PCSK5: variants seen among roughly 807,000 people sequenced by gnomAD.
The protein encoded by PCSK5 is proprotein convertase subtilisin/kexin type 5, also known as prohormone convertase 5.
Under a neutral mutation model 233.2 loss-of-function variants are expected in PCSK5, and 129 were observed. That is an observed-to-expected ratio of 0.55 (90% CI 0.48 to 0.64). The LOEUF (loss-of-function observed/expected upper bound fraction) is 0.64, where lower values mean the gene tolerates loss of function less well. Ranked by LOEUF, PCSK5 falls within the 30% of genes least tolerant of loss-of-function variation. The pLI is 0.00. For synonymous variants in PCSK5, 825 were observed against 879.2 expected, an observed-to-expected ratio of 0.94 and a Z score of 1.09; for missense variants, 2,076 against 2,430.1, an observed-to-expected ratio of 0.85 and a Z score of 3.06.
At chr9:75,924,606 C>T (rs966533419) in intron 1 of PCSK5, among the ~76,000 whole-genome samples, 5 of 152,044 alleles carry the variant, frequency 3.3e-5, no homozygotes, top group Admixed American at 6.6e-5. Context: ...TGCCCCCGCC[C>T]CCCACTCCCA....
At chr9:76,033,430 A>T (rs969409172) in intron 5 of PCSK5, among the ~76,000 whole-genome samples, 1 of 152,164 alleles carries the variant, frequency 6.6e-6, no homozygotes, top group African/African-American at 2.4e-5. Flanking sequence ...ATATTTTCAA[A>T]TTTTTTTCTC....
chr9:76,087,802 C>A (rs7028169), intron 7 of PCSK5, among the ~76,000 whole-genome samples: 31 of 152,004 alleles, frequency 2.0e-4, no homozygotes, highest in Non-Finnish European at 2.9e-4. Flanking sequence ...AATCATAATA[C>A]GGACTACCTG....
intron 3 of PCSK5, among the ~76,000 whole-genome samples, chr9:75,988,338 G>A (rs998649309): frequency 3.3e-5 from 5 of 151,134 alleles, no homozygotes. Flanking sequence ...CTGGAGTACA[G>A]TGATGTGGTC....
intron 10 of PCSK5, among the ~76,000 whole-genome samples, chr9:76,152,014 G>A (rs779938091): frequency 1.5e-4 from 23 of 152,220 alleles, no homozygotes; most frequent in Non-Finnish European, 2.9e-4. Flanking sequence ...TGATGCTTTC[G>A]AATAATCAAA....
At chr9:76,035,730 T>C (rs1828833374) in intron 5 of PCSK5, among the ~76,000 whole-genome samples, 1 of 152,194 alleles carries the variant, frequency 6.6e-6, no homozygotes, top group Non-Finnish European at 1.5e-5. Context: ...TCAAGACAGG[T>C]GTATTTAATT....
chr9:75,996,654 G>A (rs995871011), intron 3 of PCSK5, among the ~76,000 whole-genome samples: 3 of 152,164 alleles, frequency 2.0e-5, no homozygotes, highest in African/African-American at 4.8e-5. Flanking sequence ...ATTTCTGCCA[G>A]TGCAAATTAT....
chr9:76,274,140 T>C (rs1175529449), intron 24 of PCSK5, among the ~76,000 whole-genome samples: 1 of 152,034 alleles, frequency 6.6e-6, no homozygotes, highest in Admixed American at 6.6e-5. Flanking sequence ...ATTGCCTCTA[T>C]GGGTTGAAGC....
At chr9:75,939,895 G>A (rs1404579391) in intron 2 of PCSK5, among the ~76,000 whole-genome samples, 1 of 152,132 alleles carries the variant, frequency 6.6e-6, no homozygotes, top group African/African-American at 2.4e-5. Flanking sequence ...GTAAGCAATG[G>A]GCATCTCCCA....
At chr9:76,262,563 T>A in intron 24 of PCSK5, among the ~76,000 whole-genome samples, 1 of 149,412 alleles carries the variant, frequency 6.7e-6, no homozygotes, top group East Asian at 1.9e-4. Context: ...CTGGGAAAAC[T>A]GGCTAGCCAT....
chr9:76,324,513 G>A (rs1829303187), intron 32 of PCSK5, among the ~76,000 whole-genome samples: 1 of 152,074 alleles, frequency 6.6e-6, no homozygotes, highest in African/African-American at 2.4e-5. Context: ...TTACAGGTGT[G>A]AGCCACCGCG....
At chr9:75,900,678 CA>C (rs34003117) in intron 1 of PCSK5, among the ~76,000 whole-genome samples, 52,584 of 104,444 alleles carry the variant, frequency 0.5, 10,746 homozygotes, top group Middle Eastern at 0.55. Context: ...GACTCTGTCT[CA>C]AAAAAAAAAA....
In PCSK5 at chr9:76,107,324, G is replaced by C. The variant is rs781367960; in HGVS notation, c.1181G>C (p.Gly394Ala). Residue 394 changes from glycine to alanine, a missense_variant, in exon 9 of 38, where the codon GGC becomes GCC. Transcript: ENST00000674117. ...TCAGCCTCAGCCCCCATGGCTGCAG[G>C]CATCATTGCGCTGGCCCTGGAAGCC... ...GTSASAPMAA[G>A]IIALALEANP... The C allele has an allele frequency of 1.2e-6, 2 of 1,613,408 alleles. No individual in the cohort carries two copies. The highest frequency in any genetic ancestry group is 1.7e-6 in the Non-Finnish European group (2 of 1,179,560).
chr9:75,945,221 C>T (rs1032227602), intron 2 of PCSK5, among the ~76,000 whole-genome samples: 30 of 151,394 alleles, frequency 2.0e-4, no homozygotes, highest in African/African-American at 7.0e-4. Flanking sequence ...ATAAAAATAA[C>T]ATACGTGGAA....
intron 2 of PCSK5, among the ~76,000 whole-genome samples, chr9:75,967,761 C>T (rs1301108669): frequency 1.7e-5 from 1 of 58,098 alleles, no homozygotes; most frequent in Non-Finnish European, 3.4e-5. Context: ...AGGGCAGTGC[C>T]CAGCCTTTTT....
intron 20 of PCSK5, among the ~76,000 whole-genome samples, chr9:76,215,804 G>T (rs1176447936): frequency 6.6e-6 from 1 of 152,076 alleles, no homozygotes; most frequent in African/African-American, 2.4e-5. Flanking sequence ...GCTGAGTGTG[G>T]TAGCACACAC....
intron 1 of PCSK5, among the ~76,000 whole-genome samples, chr9:75,906,104 A>T (rs554783047): frequency 6.6e-6 from 1 of 152,284 alleles, no homozygotes; most frequent in South Asian, 2.1e-4. Context: ...CATGAGTAAA[A>T]TTATTTCAAA....
chr9:76,195,971 A>C (rs10869730), intron 20 of PCSK5: 50,042 of 152,016 alleles, frequency 0.33, 8,516 homozygotes, highest in East Asian at 0.59. Context: ...ATAGAAGCTG[A>C]ATATGAAGGA....
intron 2 of PCSK5, among the ~76,000 whole-genome samples, chr9:75,951,351 T>G (rs1824847618): frequency 1.3e-5 from 2 of 152,200 alleles, no homozygotes; most frequent in Non-Finnish European, 2.9e-5. Flanking sequence ...CACTGTGAGT[T>G]AATACAGGGG....
chr9:75,892,565 CA>C (rs1456457121), intron 1 of PCSK5, among the ~76,000 whole-genome samples: 1 of 152,170 alleles, frequency 6.6e-6, no homozygotes, highest in Non-Finnish European at 1.5e-5. Context: ...CGTGCTCTGC[CA>C]GGGGGAAGGG....
Sources: allele counts gnomAD v4.1 joint callset (sites outside exome capture counted in the v4.1 genomes callset), GRCh38; gene constraint gnomAD v4.1.1; transcripts MANE v1.5; gene names NCBI Gene and HGNC (gene_info 2026-07-23, HGNC 2026-07-21).